Variants in SKIC3 observed in about 807,000 individuals in gnomAD.
SKIC3 encodes superkiller complex protein 3.
the SKIC3 span, among the ~76,000 whole-genome samples, chr5:95,470,682 G>A: frequency 6.6e-6 from 1 of 151,876 alleles, no homozygotes; most frequent in Non-Finnish European, 1.5e-5. Context: ...AGAGATAAAG[G>A]TATTAAATCA....
chr5:95,469,912 T>C, the SKIC3 span: 2 of 1,613,702 alleles, frequency 1.2e-6, no homozygotes, highest in South Asian at 1.1e-5. Context: ...AATGTTAGCC[T>C]ATAAAAATAT....
chr5:95,469,175 A>G, the SKIC3 span, among the ~76,000 whole-genome samples: 5 of 152,346 alleles, frequency 3.3e-5, no homozygotes, highest in South Asian at 1.0e-3. Flanking sequence ...GATATTTTCA[A>G]AATATTAAAG....
chr5:95,479,517 A>G, the SKIC3 span, among the ~76,000 whole-genome samples: 1 of 152,172 alleles, frequency 6.6e-6, no homozygotes, highest in African/African-American at 2.4e-5. Context: ...GGTACAACAC[A>G]ATAAAATACT....
chr5:95,464,821 C>A, the SKIC3 span: 1 of 670,022 alleles, frequency 1.5e-6, no homozygotes, highest in Non-Finnish European at 2.7e-6. Flanking sequence ...TGACTCTGTG[C>A]AATCTTTCAG....
At chr5:95,512,469 T>C in the SKIC3 span, 4 of 1,613,276 alleles carry the variant, frequency 2.5e-6, no homozygotes, top group Non-Finnish European at 3.4e-6. Context: ...ATATAACAGG[T>C]ACCTTACCTA....
At chr5:95,491,081 A>G in the SKIC3 span, 11 of 1,610,688 alleles carry the variant, frequency 6.8e-6, no homozygotes, top group Non-Finnish European at 7.6e-6. Flanking sequence ...TAAAATCAAC[A>G]TGTTGCTTAA....
At chr5:95,491,383 T>C in the SKIC3 span, among the ~76,000 whole-genome samples, 1,389 of 152,312 alleles carry the variant, frequency 9.1e-3, 15 homozygotes, top group East Asian at 0.056. Flanking sequence ...CTCATCTTCA[T>C]GACTTAGTAG....
chr5:95,504,031 G>A, the SKIC3 span: 123 of 1,330,032 alleles, frequency 9.2e-5, 1 homozygote, highest in South Asian at 1.2e-3. Context: ...AAGTTGGGCC[G>A]GACGCGGTGG....
the SKIC3 span, chr5:95,484,854 A>G: frequency 6.2e-7 from 1 of 1,613,394 alleles, no homozygotes; most frequent in Non-Finnish European, 8.5e-7. Flanking sequence ...AACTGTAAAC[A>G]AAAAATGTCA....
the SKIC3 span, among the ~76,000 whole-genome samples, chr5:95,549,731 C>T: frequency 6.6e-6 from 1 of 151,902 alleles, no homozygotes; most frequent in East Asian, 1.9e-4. Context: ...CTAAAAACTA[C>T]TACTTCCTTT....
At chr5:95,522,242 T>C in the SKIC3 span, 1 of 1,613,824 alleles carries the variant, frequency 6.2e-7, no homozygotes, top group Non-Finnish European at 8.5e-7. Flanking sequence ...TCTGCTTAAG[T>C]ATGCTTCTCC....
chr5:95,521,966 T>A, the SKIC3 span: 2 of 1,556,792 alleles, frequency 1.3e-6, no homozygotes, highest in Non-Finnish European at 1.8e-6. Flanking sequence ...CCTTTTCAAG[T>A]TATTCAATAC....
the SKIC3 span, chr5:95,503,020 A>T: frequency 6.2e-7 from 1 of 1,613,468 alleles, no homozygotes; most frequent in Admixed American, 1.7e-5. Context: ...CATAGAAGTG[A>T]AAACAAACAA....
the SKIC3 span, chr5:95,541,527 C>T: frequency 1.4e-5 from 11 of 810,234 alleles, no homozygotes; most frequent in Non-Finnish European, 2.1e-5. Context: ...TTTCATACTA[C>T]AGTAAAATTT....
chr5:95,516,704 C>T, the SKIC3 span: 1 of 1,613,294 alleles, frequency 6.2e-7, no homozygotes, highest in South Asian at 1.1e-5. Context: ...AAGAGCATTC[C>T]AGTATAAGTG....
At chr5:95,483,351 T>C in the SKIC3 span, among the ~76,000 whole-genome samples, 2 of 152,172 alleles carry the variant, frequency 1.3e-5, no homozygotes, top group African/African-American at 4.8e-5. Flanking sequence ...ATCTTAAATG[T>C]ATTTCTAAAA....
chr5:95,504,418 GTC>G, the SKIC3 span, among the ~76,000 whole-genome samples: 1 of 151,746 alleles, frequency 6.6e-6, no homozygotes, highest in African/African-American at 2.4e-5. Context: ...ATTACGAAGT[GTC>G]TCTTTTTTTT....
At chr5:95,523,375 G>C in the SKIC3 span, 3 of 1,559,540 alleles carry the variant, frequency 1.9e-6, no homozygotes, top group Non-Finnish European at 2.6e-6. Flanking sequence ...ATTATAAAAA[G>C]ACAGAACGCT....
the SKIC3 span, among the ~76,000 whole-genome samples, chr5:95,512,137 C>G: frequency 6.6e-6 from 1 of 152,138 alleles, no homozygotes; most frequent in South Asian, 2.1e-4. Flanking sequence ...TGGTAAAACA[C>G]TTGGCCTAAG....
Sources: gnomAD v4.1 joint callset for allele counts (sites outside exome capture counted in the v4.1 genomes callset) on GRCh38, gnomAD v4.1.1 for gene constraint, MANE v1.5 for transcripts, NCBI Gene and HGNC (gene_info 2026-07-23, HGNC 2026-07-21) for gene names.